MTHFD1L: variants seen among roughly 807,000 people sequenced by gnomAD.
MTHFD1L encodes methylenetetrahydrofolate dehydrogenase (NADP+ dependent) 1 like, also known as monofunctional C1-tetrahydrofolate synthase, mitochondrial.
MTHFD1L carries 81 observed loss-of-function variants against 119.5 expected under a neutral mutation model. That is an observed-to-expected ratio of 0.68 (90% CI 0.57 to 0.82). The LOEUF (loss-of-function observed/expected upper bound fraction) is 0.82. MTHFD1L is among the 40% of genes least tolerant of loss of function. The pLI, the probability that MTHFD1L is intolerant of heterozygous loss-of-function variation, is 0.00. For missense variants in MTHFD1L, 1,125 were observed against 1,253.4 expected (o/e 0.90, Z 1.55); for synonymous variants, 430 against 475.2 (o/e 0.90, Z 1.24).
chr6:151,065,602 G>C (rs1791140440), intron 26 of MTHFD1L, among the ~76,000 whole-genome samples: 2 of 152,230 alleles, frequency 1.3e-5, no homozygotes, highest in Admixed American at 1.3e-4. Flanking sequence ...AGTGTGATCT[G>C]CTTCATACTC....
At chr6:151,076,524 G>A (rs1161548487) in intron 26 of MTHFD1L, among the ~76,000 whole-genome samples, 3 of 151,916 alleles carry the variant, frequency 2.0e-5, no homozygotes, top group African/African-American at 7.2e-5. Flanking sequence ...GGTGGCACAC[G>A]CCTGTAATCC....
At chr6:151,016,012 A>G (rs541704948) in intron 24 of MTHFD1L, among the ~76,000 whole-genome samples, 53 of 152,272 alleles carry the variant, frequency 3.5e-4, no homozygotes, top group African/African-American at 1.1e-3. Flanking sequence ...GCTTGAACCC[A>G]GGAGGTGGAG....
intron 13 of MTHFD1L, among the ~76,000 whole-genome samples, chr6:150,943,443 C>T (rs1332123251): frequency 6.7e-6 from 1 of 150,270 alleles, no homozygotes; most frequent in South Asian, 2.1e-4. Flanking sequence ...CCAACCTGTG[C>T]AACATAGTGA....
intron 5 of MTHFD1L, 147 bp downstream of exon 5, chr6:150,883,033 T>C (rs966125349): frequency 4.6e-6 from 4 of 866,748 alleles, no homozygotes; most frequent in Non-Finnish European, 6.5e-6. Context: ...CAGGAGTCTA[T>C]AGGATTTTTT....
intron 16 of MTHFD1L, among the ~76,000 whole-genome samples, chr6:150,954,185 G>A (rs1376312810): frequency 2.0e-5 from 3 of 152,186 alleles, no homozygotes; most frequent in South Asian, 2.1e-4. Context: ...TACCAAATAC[G>A]TAATTTCCAT....
At chr6:151,072,401 A>T (rs148741772) in intron 26 of MTHFD1L, among the ~76,000 whole-genome samples, 1 of 152,294 alleles carries the variant, frequency 6.6e-6, no homozygotes, top group African/African-American at 2.4e-5. Flanking sequence ...ATGCAGTTGA[A>T]TAATAACCTA....
At chr6:151,025,055 C>T (rs1173089570) in intron 24 of MTHFD1L, among the ~76,000 whole-genome samples, 1 of 152,158 alleles carries the variant, frequency 6.6e-6, no homozygotes, top group African/African-American at 2.4e-5. Flanking sequence ...AAAGATTACC[C>T]ATGTGGATTT....
chr6:151,025,871 A>C (rs25517), intron 24 of MTHFD1L, among the ~76,000 whole-genome samples: 1 of 152,200 alleles, frequency 6.6e-6, no homozygotes, highest in African/African-American at 2.4e-5. Context: ...AGTGTTTTTC[A>C]TAGGTCTTCT....
intron 20 of MTHFD1L, among the ~76,000 whole-genome samples, chr6:151,007,483 A>G (rs1314870520): frequency 5.3e-5 from 8 of 152,208 alleles, no homozygotes; most frequent in Non-Finnish European, 7.3e-5. Flanking sequence ...AGTTCTCAGT[A>G]TGCACCAAGA....
At chr6:150,898,732 T>A (rs979563613) in intron 7 of MTHFD1L, 2 of 276,908 alleles carry the variant, frequency 7.2e-6, no homozygotes, top group Non-Finnish European at 1.4e-5. Context: ...CTTTGTCATG[T>A]GAAGGAAGCT....
intron 13 of MTHFD1L, among the ~76,000 whole-genome samples, chr6:150,943,807 CAG>C (rs1793531781): frequency 6.6e-6 from 1 of 152,132 alleles, no homozygotes; most frequent in Non-Finnish European, 1.5e-5. Context: ...AGGAAAATAA[CAG>C]AATGAGTAGA....
chr6:150,969,386 C>T (rs1404154855), intron 19 of MTHFD1L, among the ~76,000 whole-genome samples: 1 of 152,034 alleles, frequency 6.6e-6, no homozygotes, highest in Non-Finnish European at 1.5e-5. Flanking sequence ...GCAATAAGAC[C>T]TGCTGAGGCT....
chr6:150,895,008 G>A (rs895961848), intron 7 of MTHFD1L, among the ~76,000 whole-genome samples: 9 of 152,194 alleles, frequency 5.9e-5, no homozygotes, highest in Non-Finnish European at 1.0e-4. Flanking sequence ...GAACGCCTGG[G>A]CATTTGTCCA....
At chr6:150,907,011 G>GAA (rs1291978601) in intron 8 of MTHFD1L, among the ~76,000 whole-genome samples, 6 of 127,256 alleles carry the variant, frequency 4.7e-5, no homozygotes, top group African/African-American at 8.5e-5. Flanking sequence ...TTTTTCCCCT[G>GAA]AAAAAAAAAA....
intron 19 of MTHFD1L, among the ~76,000 whole-genome samples, chr6:150,969,054 G>A (rs1797657354): frequency 6.6e-6 from 1 of 151,778 alleles, no homozygotes; most frequent in Non-Finnish European, 1.5e-5. Flanking sequence ...TTACCATGTT[G>A]GCCAGGCTGG....
intron 24 of MTHFD1L, among the ~76,000 whole-genome samples, chr6:151,016,466 C>T (rs142280527): frequency 0.065 from 9,854 of 151,874 alleles, 1,050 homozygotes; most frequent in African/African-American, 0.22. Context: ...GGATTACAGG[C>T]ACCTGCCAAC....
intron 19 of MTHFD1L, among the ~76,000 whole-genome samples, chr6:150,969,951 G>A (rs1487337484): frequency 1.3e-5 from 2 of 152,174 alleles, no homozygotes; most frequent in Non-Finnish European, 2.9e-5. Flanking sequence ...TTGCAGACGT[G>A]AACTCTTGTA....
chr6:150,885,224 T>G (rs1471165713), intron 5 of MTHFD1L, among the ~76,000 whole-genome samples: 3 of 145,280 alleles, frequency 2.1e-5, no homozygotes, highest in East Asian at 2.0e-4. Flanking sequence ...TGAGATGGAG[T>G]CTCGCTCTGT....
At chr6:150,924,262 C>G (rs377561637) in intron 10 of MTHFD1L, among the ~76,000 whole-genome samples, 2 of 152,122 alleles carry the variant, frequency 1.3e-5, no homozygotes, top group South Asian at 2.1e-4. Context: ...GCTCTGTTGC[C>G]CAGGCTGGAG....
Sources: allele counts gnomAD v4.1 joint callset (sites outside exome capture counted in the v4.1 genomes callset), GRCh38; gene constraint gnomAD v4.1.1; transcripts MANE v1.5; gene names NCBI Gene and HGNC (gene_info 2026-07-23, HGNC 2026-07-21).